PTPRK: variants seen among roughly 807,000 people sequenced by gnomAD.
PTPRK encodes protein tyrosine phosphatase receptor type K.
In PTPRK, 75 loss-of-function variants were observed where a neutral mutation model predicts 178.0. That is an observed-to-expected ratio of 0.42 (90% confidence interval 0.35 to 0.51). The LOEUF is 0.51. Among genes scored for constraint, PTPRK ranks in the 20% least tolerant of loss-of-function variants. The pLI is 0.02. For synonymous variants in PTPRK, 637 were observed against 620.6 expected, an observed-to-expected ratio of 1.03 and a Z score of -0.39; for missense variants, 1,441 against 1,797.8, an observed-to-expected ratio of 0.80 and a Z score of 3.59.
At chr6:128,440,523 G>A (rs1562527078) in intron 1 of PTPRK, among the ~76,000 whole-genome samples, 1 of 152,136 alleles carries the variant, frequency 6.6e-6, no homozygotes, top group Non-Finnish European at 1.5e-5. Context: ...ATGCAATATA[G>A]TGAAATTTTC....
chr6:128,422,109 G>A (rs1584640033), intron 1 of PTPRK, among the ~76,000 whole-genome samples: 1 of 152,226 alleles, frequency 6.6e-6, no homozygotes, highest in African/African-American at 2.4e-5. Context: ...GAAAGGTTAT[G>A]TTTAATTTTT....
intron 13 of PTPRK, among the ~76,000 whole-genome samples, chr6:128,027,475 T>TA (rs572418844): frequency 1.3e-5 from 2 of 149,794 alleles, no homozygotes; most frequent in South Asian, 2.1e-4. Flanking sequence ...AACTGACCTT[T>TA]AAAAAAAAAA....
intron 11 of PTPRK, among the ~76,000 whole-genome samples, chr6:128,075,010 C>T (rs1783530466): frequency 6.6e-6 from 1 of 151,950 alleles, no homozygotes; most frequent in Non-Finnish European, 1.5e-5. Context: ...AAAACAAAAC[C>T]TTGAATTCTG....
Position 128,424,198 on chromosome 6 carries a change from G to A in PTPRK, c.101-26510C>T, listed in dbSNP as rs76101888. Among the ~76,000 whole-genome samples the A allele has an allele frequency of 3.1e-4, 47 of 152,078 alleles. No homozygotes were observed. The East Asian group carries it at 8.1e-3, about 26-fold the overall frequency. On this transcript the variant is annotated intron_variant, in intron 1 of 29. Transcript: ENST00000368226. ...CAGTGAGTTATAATCACAACACTAC[G>A]CTCCAGACTGGGTGATAGAGTGAGA...
chr6:128,130,879 G>A (rs552508516), intron 7 of PTPRK, among the ~76,000 whole-genome samples: 3 of 152,212 alleles, frequency 2.0e-5, no homozygotes, highest in South Asian at 4.1e-4. Context: ...TAAGAAATTT[G>A]GTCTGAATGT....
At chr6:128,275,469 G>A (rs2128299431) in intron 3 of PTPRK, among the ~76,000 whole-genome samples, 1 of 152,084 alleles carries the variant, frequency 6.6e-6, no homozygotes, top group Non-Finnish European at 1.5e-5. Flanking sequence ...AGGGCCTGTG[G>A]CAAGATTTTC....
At chr6:128,395,504 C>T (rs1840181222) in intron 2 of PTPRK, among the ~76,000 whole-genome samples, 1 of 152,116 alleles carries the variant, frequency 6.6e-6, no homozygotes, top group Non-Finnish European at 1.5e-5. Flanking sequence ...GGTAACATTT[C>T]CATAAATCAA....
chr6:128,064,860 A>AT, intron 12 of PTPRK, 66 bp from the exon 13 acceptor site: 1 of 1,473,232 alleles, frequency 6.8e-7, no homozygotes, highest in African/African-American at 1.4e-5. Flanking sequence ...TTCATAAACT[A>AT]TAATTATTAT....
At chr6:128,239,678 C>T (rs972152123) in intron 5 of PTPRK, among the ~76,000 whole-genome samples, 11 of 152,126 alleles carry the variant, frequency 7.2e-5, no homozygotes, top group African/African-American at 2.7e-4. Context: ...ACAGCTCCTA[C>T]TTAACTCTTG....
chr6:128,015,859 C>T (rs1246954833), intron 13 of PTPRK, among the ~76,000 whole-genome samples: 1 of 151,696 alleles, frequency 6.6e-6, no homozygotes, highest in Non-Finnish European at 1.5e-5. Context: ...AATTTACATA[C>T]CCACCAGCAG....
chr6:127,997,005 A>G lies in PTPRK; in HGVS notation c.2680-17T>C, dbSNP rs778078502. 1.2e-6 allele frequency: 2 copies of G among 1,606,560 alleles called. No individual in the cohort carries two copies. Among genetic ancestry groups the G allele is most frequent in the East Asian group, 4.5e-5 (2 of 44,662 alleles). ...AAAAAAGCTCTGGGAAAACAAAACG[A>G]ATAAGCAGACTGAATTTAATTCCTT... On this transcript the variant is annotated splice_polypyrimidine_tract_variant and intron_variant, in intron 16 of 29. Transcript: ENST00000368226.
chr6:128,344,924 A>T (rs1473595157), intron 2 of PTPRK, among the ~76,000 whole-genome samples: 2 of 152,088 alleles, frequency 1.3e-5, no homozygotes, highest in South Asian at 4.1e-4. Flanking sequence ...TCTAGAGAAA[A>T]CAATTTGATT....
In PTPRK at chr6:128,147,646, G is replaced by A. The variant is rs1030045382; in HGVS notation, c.1162+36786C>T. On this transcript the variant is annotated intron_variant, in intron 7 of 29. Coordinates refer to ENST00000368226, the MANE Select transcript of PTPRK (RefSeq NM_002844.4). ...ATCAGCAGCATGTCATTGATGTGAG[G>A]GTTGGCCACAGATTGCTGCAAATGT... is the stretch of plus-strand genomic sequence containing the variant. Among the ~76,000 whole-genome samples the A allele has an allele frequency of 8.4e-4, 128 of 152,062 alleles. 1 individual carries two copies. The highest frequency in any genetic ancestry group is 5.7e-4 in the Non-Finnish European group (39 of 68,012).
chr6:128,009,549 G>A (rs1340672797), intron 13 of PTPRK, among the ~76,000 whole-genome samples: 2 of 151,148 alleles, frequency 1.3e-5, no homozygotes, highest in South Asian at 2.1e-4. Context: ...AAGTGTCCTT[G>A]AAAGTCCGAA....
At chr6:128,225,605 G>T (rs952679537) in intron 5 of PTPRK, among the ~76,000 whole-genome samples, 1 of 151,852 alleles carries the variant, frequency 6.6e-6, no homozygotes, top group Non-Finnish European at 1.5e-5. Flanking sequence ...CCAAAAACAT[G>T]AAATCATTTT....
In PTPRK at chr6:128,078,790, C is replaced by A. The variant is rs775998794; in HGVS notation, c.1883+23G>T. 1.4e-5 allele frequency: 21 copies of A among 1,538,558 alleles called. No individual in the cohort carries two copies. In the African/African-American group the frequency reaches 2.7e-4, roughly 20 times the overall value. On this transcript the variant is annotated intron_variant, in intron 11 of 29. Transcript: ENST00000368226. ...GTACATACCTGTGGATAAGGCAGAA[C>A]TACTGTAGTTTTCTCCTCTTACCTG...
At chr6:128,468,431 G>GACAAT (rs71543137) in intron 1 of PTPRK, among the ~76,000 whole-genome samples, 10,312 of 151,750 alleles carry the variant, frequency 0.068, 476 homozygotes, top group African/African-American at 0.14. Context: ...TTAAGAGCCT[G>GACAAT]ACAATACAAT....
intron 13 of PTPRK, among the ~76,000 whole-genome samples, chr6:128,017,787 A>T (rs1444471916): frequency 3.2e-5 from 3 of 94,398 alleles, no homozygotes; most frequent in Non-Finnish European, 4.0e-5. Context: ...TACATATATA[A>T]ATAAATATAT....
At chr6:128,466,619 A>G (rs1038757348) in intron 1 of PTPRK, among the ~76,000 whole-genome samples, 7 of 152,172 alleles carry the variant, frequency 4.6e-5, no homozygotes, top group African/African-American at 1.7e-4. Flanking sequence ...TTAGACATTT[A>G]AAAATAAATT....
Sources: gnomAD v4.1 joint callset for allele counts (sites outside exome capture counted in the v4.1 genomes callset) on GRCh38, gnomAD v4.1.1 for gene constraint, MANE v1.5 for transcripts, NCBI Gene and HGNC (gene_info 2026-07-23, HGNC 2026-07-21) for gene names.